The following BST1 variants were observed in gnomAD, a reference collection of about 807,000 sequenced individuals.
BST1 encodes bone marrow stromal cell antigen 1.
In BST1, 49 loss-of-function variants were observed where a neutral mutation model predicts 40.6. That is an observed-to-expected ratio of 1.21 (90% CI 0.96 to 1.53). BST1 has a LOEUF of 1.53. Ranked by LOEUF, BST1 falls within the 40% of genes most tolerant of loss-of-function variation. BST1 has a pLI of 0.00. For missense variants in BST1, 423 were observed against 395.9 expected (o/e 1.07, Z -0.58); for synonymous variants, 157 against 159.3 (o/e 0.99, Z 0.11).
intron 3 of BST1, among the ~76,000 whole-genome samples, chr4:15,710,393 T>A (rs1720124733): frequency 6.6e-6 from 1 of 152,206 alleles, no homozygotes; most frequent in Admixed American, 6.5e-5. Flanking sequence ...ATCAGGGTAA[T>A]TAGCATATCA....
rs1721342798 is a variant in BST1, at chr4:15,731,008, G to T, written c.852-732G>T. On this transcript the variant is annotated intron_variant, in intron 8 of 8. Transcript: ENST00000265016. ...GCCTATGGTGCTCTCGATATATAAG[G>T]CCCGGACATTCTGCCAGTTTTTCTG... The T allele has an allele frequency of 4.9e-6, 3 of 610,232 alleles. No individual in the cohort carries two copies. The South Asian group carries it at 5.2e-5, about 11-fold the overall frequency. 37.8% of individuals were successfully genotyped at this position (610,232 alleles called of 1,614,324 possible).
chr4:15,769,288 G>A, the BST1 span, among the ~76,000 whole-genome samples: 21,940 of 152,170 alleles, frequency 0.14, 1,830 homozygotes, highest in East Asian at 0.24. Flanking sequence ...TTCTGCAGGC[G>A]TTGCTTGAGT....
chr4:15,770,245 T>C, the BST1 span, among the ~76,000 whole-genome samples: 2 of 152,218 alleles, frequency 1.3e-5, no homozygotes, highest in Non-Finnish European at 2.9e-5. Context: ...ATGTTTCTAC[T>C]AACCAGCTGT....
chr4:15,753,548 G>C, the BST1 span, among the ~76,000 whole-genome samples: 1 of 152,308 alleles, frequency 6.6e-6, no homozygotes, highest in East Asian at 1.9e-4. Context: ...AGAAAGAGTA[G>C]GGTCTTTAAG....
chr4:15,770,472 A>T, the BST1 span, among the ~76,000 whole-genome samples: 1 of 152,150 alleles, frequency 6.6e-6, no homozygotes, highest in African/African-American at 2.4e-5. Flanking sequence ...TGGGAGGCCG[A>T]GGCGGGTGGA....
chr4:15,707,739 A>G, intron 3 of BST1, 93 bp downstream of exon 3: 2 of 1,465,290 alleles, frequency 1.4e-6, no homozygotes, highest in South Asian at 2.5e-5. Context: ...CATTTATTTC[A>G]CTTGATCCTC....
At chr4:15,724,244 G>A (rs16892270) in intron 8 of BST1, among the ~76,000 whole-genome samples, 1 of 152,166 alleles carries the variant, frequency 6.6e-6, no homozygotes, top group Admixed American at 6.5e-5. Flanking sequence ...CATTACAGTT[G>A]CACATAGTAG....
chr4:15,707,855 C>CTCTCTATATA lies in BST1; in HGVS notation c.451+210_451+211insCTCTATATAT, dbSNP rs544633858. On this transcript the variant is annotated intron_variant, in intron 3 of 8. Coordinates refer to ENST00000265016, the MANE Select transcript of BST1 (RefSeq NM_004334.3). ...AAGCACTCTCTCTCTCTCTCTCTCT[C>CTCTCTATATA]TATATATATATATATATATACACAT... Among the ~76,000 whole-genome samples, 696 of 128,378 alleles carry CTCTCTATATA rather than the reference C, an allele frequency of 5.4e-3. 3 individuals are homozygous for CTCTCTATATA. The highest frequency in any genetic ancestry group is 7.1e-3 in the Non-Finnish European group (435 of 60,844). 84.2% of individuals were successfully genotyped at this position (128,378 alleles called of 152,430 possible).
chr4:15,750,940 G>A, the BST1 span, among the ~76,000 whole-genome samples: 2 of 152,138 alleles, frequency 1.3e-5, no homozygotes, highest in Non-Finnish European at 2.9e-5. Flanking sequence ...TGCAATATCA[G>A]TCAAAACTCA....
At chr4:15,760,884 T>G in the BST1 span, among the ~76,000 whole-genome samples, 6 of 150,296 alleles carry the variant, frequency 4.0e-5, no homozygotes, top group Non-Finnish European at 8.9e-5. Context: ...TTAGTAGAGA[T>G]GGGGTTTCAC....
At chr4:15,739,363 G>A (rs1159131777), downstream of BST1, among the ~76,000 whole-genome samples, 3 of 152,154 alleles carry the variant, frequency 2.0e-5, no homozygotes, top group Non-Finnish European at 2.9e-5. Flanking sequence ...TAGGAATATA[G>A]TTTTGTTTTT....
the BST1 span, among the ~76,000 whole-genome samples, chr4:15,753,718 C>T: frequency 1.2e-4 from 19 of 152,222 alleles, no homozygotes; most frequent in African/African-American, 3.4e-4. Context: ...GAGTCCAAAT[C>T]GGTCAGGGCC....
intron 1 of BST1, among the ~76,000 whole-genome samples, chr4:15,703,715 G>T (rs1285168907): frequency 4.0e-4 from 52 of 130,758 alleles, no homozygotes; most frequent in South Asian, 3.4e-3. Flanking sequence ...TCTAGAGGTG[G>T]GGGTGTGTGT....
At chr4:15,725,907 T>G (rs1261246304) in intron 8 of BST1, among the ~76,000 whole-genome samples, 1 of 151,322 alleles carries the variant, frequency 6.6e-6, no homozygotes, top group African/African-American at 2.4e-5. Flanking sequence ...TTCTTTTTTA[T>G]AGTGTTTATC....
At chr4:15,718,728 C>A (rs1179200621) in intron 6 of BST1, among the ~76,000 whole-genome samples, 179 bp from the exon 7 acceptor site, 1 of 152,212 alleles carries the variant, frequency 6.6e-6, no homozygotes, top group East Asian at 1.9e-4. Flanking sequence ...AGCATCGTCT[C>A]TTGGGTCCTG....
the BST1 span, among the ~76,000 whole-genome samples, chr4:15,749,032 T>A: frequency 1.3e-5 from 2 of 152,164 alleles, no homozygotes; most frequent in African/African-American, 4.8e-5. Flanking sequence ...CAACTGGAGC[T>A]TAATCCTGCG....
chr4:15,743,279 G>T, downstream of BST1: 1 of 277,000 alleles, frequency 3.6e-6, no homozygotes, highest in South Asian at 4.4e-5. Flanking sequence ...AGAAGGTGAA[G>T]CTTACAGACA....
chr4:15,766,787 TAA>T, the BST1 span, among the ~76,000 whole-genome samples: 7 of 68,440 alleles, frequency 1.0e-4, no homozygotes, highest in South Asian at 1.5e-3. Flanking sequence ...AAGACCTCCC[TAA>T]AAAAAAAAAA....
At chr4:15,772,843 A>G in the BST1 span, among the ~76,000 whole-genome samples, 1 of 150,764 alleles carries the variant, frequency 6.6e-6, no homozygotes, top group African/African-American at 2.5e-5. Context: ...GGTTGGGGAC[A>G]GAGAGAAGGC....
Sources: allele counts gnomAD v4.1 joint callset (sites outside exome capture counted in the v4.1 genomes callset), GRCh38; gene constraint gnomAD v4.1.1; transcripts MANE v1.5; gene names NCBI Gene and HGNC (gene_info 2026-07-23, HGNC 2026-07-21).